Variants in ZNF638 observed in about 807,000 individuals in gnomAD.
The protein encoded by ZNF638 is CTCL tumor antigen se33-1.
ZNF638 carries 46 observed loss-of-function variants against 195.6 expected under a neutral mutation model. The ratio of observed to expected loss-of-function variants is 0.24; its 90% CI spans 0.19 to 0.30. The LOEUF (loss-of-function observed/expected upper bound fraction) is 0.30, where lower values mean the gene tolerates loss of function less well. ZNF638 is among the 10% of genes least tolerant of loss of function. ZNF638 has a pLI of 1.00. For missense variants in ZNF638, 2,440 were observed against 2,325.3 expected, an observed-to-expected ratio of 1.05 and a Z score of -1.01; for synonymous variants, 845 against 772.0, an observed-to-expected ratio of 1.09 and a Z score of -1.57.
At chr2:71,343,142 G>T (rs2078790556) in intron 1 of ZNF638, among the ~76,000 whole-genome samples, 1 of 152,120 alleles carries the variant, frequency 6.6e-6, no homozygotes, top group South Asian at 2.1e-4. Context: ...ATCCTTTTCT[G>T]ATACCTCAGC....
Position 71,380,557 on chromosome 2 carries a change from C to T in ZNF638, c.2369C>T (p.Thr790Ile). ...ASKAVEIVTS[T>I]SAAKTGQAKA... ...AAAGCTGTTGAAATTGTTACTTCAA[C>T]TTCTGCTGGTAAGTTGTTACTTTTA... The change falls in exon 10 of 28, where the codon ACT becomes ATT. Residue 790 changes from threonine (T) to isoleucine (I), a missense_variant. Thr to Ile is a moderately conservative substitution (Grantham distance 89). This residue lies in a region of ZNF638 where 1,883 missense variants were observed against 1,739.1 expected (regional missense o/e 1.08). Transcript: ENST00000264447. The T allele has an allele frequency of 6.2e-7, 1 of 1,602,884 alleles. No homozygotes were observed. The highest frequency in any genetic ancestry group is 8.5e-7 in the Non-Finnish European group (1 of 1,175,402).
chr2:71,420,027 A>G (rs1363128741), intron 21 of ZNF638, among the ~76,000 whole-genome samples: 2 of 109,798 alleles, frequency 1.8e-5, no homozygotes, highest in Non-Finnish European at 3.3e-5. Flanking sequence ...AAGATGTGGG[A>G]TATGTCCAGA....
chr2:71,414,162 T>C (rs1367009604), intron 20 of ZNF638, among the ~76,000 whole-genome samples: 23 of 128,978 alleles, frequency 1.8e-4, no homozygotes, highest in African/African-American at 6.4e-4. Flanking sequence ...GAGCCTGTTA[T>C]TGGTCTATTC....
chr2:71,384,984 A>G (rs910789337), intron 10 of ZNF638, among the ~76,000 whole-genome samples: 2 of 152,196 alleles, frequency 1.3e-5, no homozygotes, highest in African/African-American at 4.8e-5. Flanking sequence ...AGAAAGCAAT[A>G]TCGATTTCAG....
chr2:71,363,947 C>G lies in ZNF638; in HGVS notation c.1419-7C>G. On this transcript the variant is annotated splice_region_variant and splice_polypyrimidine_tract_variant and intron_variant, in intron 4 of 27. Coordinates refer to ENST00000264447, the MANE Select transcript of ZNF638 (RefSeq NM_014497.5). Reference sequence around the variant, plus strand: ...GATCACTTTCTTTTCCGCCCCCCTGCTTGTAGAAATGAGGGCAATAGAAAA... The same window carrying G: ...GATCACTTTCTTTTCCGCCCCCCTGGTTGTAGAAATGAGGGCAATAGAAAA... 6.2e-7 allele frequency: 1 copy of G among 1,601,146 alleles called. No individual in the cohort carries two copies. The highest frequency in any genetic ancestry group is 8.5e-7 in the Non-Finnish European group (1 of 1,173,176).
chr2:71,431,679 G>A (rs2080665832), intron 26 of ZNF638, among the ~76,000 whole-genome samples: 1 of 151,288 alleles, frequency 6.6e-6, no homozygotes, highest in South Asian at 2.1e-4. Context: ...AGAATGGCGT[G>A]AACCCGGGAG....
At position 71,406,183 on chromosome 2, in the gene ZNF638, A is replaced by T. The variant is rs1439028058; in HGVS notation, c.3056A>T (p.Asp1019Val). The change falls in exon 19 of 28, where the codon GAT (aspartate) becomes GTT (valine). Residue 1019 changes from aspartate (D) to valine (V), a missense_variant. By Grantham distance (152) the Asp-to-Val change is radical. Transcript: ENST00000264447. ...GTACATCTTGATAATTTACCGGAAG[A>T]TGGACTTCAGTGTGTACTTTGTGTT... ...RFVHLDNLPEDGLQCVLCVGL... is the reference protein window; with the variant it reads ...RFVHLDNLPEVGLQCVLCVGL... 6.2e-7 allele frequency: 1 copy of T among 1,613,828 alleles called. No homozygotes were observed. Among genetic ancestry groups the T allele is most frequent in the Non-Finnish European group, 8.5e-7 (1 of 1,179,774 alleles).
chr2:71,334,119 C>G (rs925577037), intron 1 of ZNF638, among the ~76,000 whole-genome samples: 31 of 152,138 alleles, frequency 2.0e-4, no homozygotes, highest in African/African-American at 5.8e-4. Flanking sequence ...ATGATTGTTA[C>G]GTTAGTCTTT....
At chr2:71,429,186 A>C (rs1028325236) in intron 25 of ZNF638, among the ~76,000 whole-genome samples, 11 of 152,294 alleles carry the variant, frequency 7.2e-5, no homozygotes, top group Admixed American at 7.2e-4. Context: ...GTTAAGCAAA[A>C]AATCACCTTG....
At chr2:71,357,375 G>A (rs2079040839) in intron 3 of ZNF638, among the ~76,000 whole-genome samples, 1 of 152,134 alleles carries the variant, frequency 6.6e-6, no homozygotes, top group Admixed American at 6.6e-5. Flanking sequence ...CTATATAGAT[G>A]CTGTAAAGAC....
Position 71,379,995 on chromosome 2 carries a change from G to T in ZNF638, c.2266-227G>T, listed in dbSNP as rs1573082399. 2.7e-5 allele frequency: 9 copies of T among 330,638 alleles called. No individual in the cohort carries two copies. In the East Asian group the frequency reaches 4.9e-4, roughly 18 times the overall value. 20.5% of individuals were successfully genotyped at this position (330,638 alleles called of 1,614,324 possible). ...TTCAAGGCATCCACCAGGGGTCTTG[G>T]ATAAGGAGAAACTGCTGTAGTTAAT... On this transcript the variant is annotated intron_variant, in intron 8 of 27. Coordinates refer to ENST00000264447, the MANE Select transcript of ZNF638 (RefSeq NM_014497.5).
chr2:71,427,201 GATGA>G lies in ZNF638; in HGVS notation c.5334_5337del (p.Asp1778GlufsTer12). 1 of 1,612,024 alleles carries G rather than the reference GATGA, an allele frequency of 6.2e-7. No individual in the cohort carries two copies. Among genetic ancestry groups the G allele is most frequent in the Non-Finnish European group, 8.5e-7 (1 of 1,179,442 alleles). ...AGAAGAGCTTAATTTTGTTACTGTT[GATGA>G]AGTTGGAGAGGAGGAAGATGGAGAT... On this transcript the variant is annotated frameshift_variant, in exon 24 of 28. Coordinates refer to ENST00000264447, the MANE Select transcript of ZNF638 (RefSeq NM_014497.5). LOFTEE classifies it high-confidence loss of function.
intron 10 of ZNF638, among the ~76,000 whole-genome samples, chr2:71,394,862 T>A (rs2079860735): frequency 6.6e-6 from 1 of 152,196 alleles, no homozygotes; most frequent in Non-Finnish European, 1.5e-5. Context: ...ATCAAAAGGT[T>A]CTTGCACATC....
rs145015706 is a variant in ZNF638, at chr2:71,377,904, T to G, written c.2266-2318T>G. 5.6e-3 allele frequency among the ~76,000 whole-genome samples: 856 copies of G among 152,326 alleles called. 9 individuals are homozygous for G. Among genetic ancestry groups the G allele is most frequent in the South Asian group, 0.025 (121 of 4,822 alleles). On this transcript the variant is annotated intron_variant, in intron 8 of 27. Coordinates refer to ENST00000264447, the MANE Select transcript of ZNF638 (RefSeq NM_014497.5). ...CTTAGATTGCAAAGCAACACATTCTTAAGAGTTGGGTGGGAAAAAGATTAT... is the reference window on the plus strand; with the variant it reads ...CTTAGATTGCAAAGCAACACATTCTGAAGAGTTGGGTGGGAAAAAGATTAT...
At chr2:71,398,603 C>A in intron 11 of ZNF638, 98 bp from the exon 12 acceptor site, 2 of 935,722 alleles carry the variant, frequency 2.1e-6, no homozygotes, top group Non-Finnish European at 3.5e-6. Context: ...GAATAAAACA[C>A]AGCCTATTAT....
rs375885542 is a variant in ZNF638, at chr2:71,378,336, A to G, written c.2266-1886A>G. On this transcript the variant is annotated intron_variant, in intron 8 of 27. Transcript: ENST00000264447. ...TGAAAATTACCATTAGTAGAATAGC[A>G]CTAGAACTAATTTCTTCTAAATAAT... is the stretch of plus-strand genomic sequence containing the variant. Among the ~76,000 whole-genome samples, 19 of 152,358 alleles carry G rather than the reference A, an allele frequency of 1.2e-4. No homozygotes were observed. The East Asian group carries it at 2.9e-3, about 23-fold the overall frequency.
intron 1 of ZNF638, among the ~76,000 whole-genome samples, chr2:71,346,980 C>T (rs138462367): frequency 6.3e-4 from 95 of 151,716 alleles, no homozygotes; most frequent in African/African-American, 2.0e-3. Flanking sequence ...GCCGAGATTG[C>T]GCCATTGGAC....
intron 13 of ZNF638, 36 bp downstream of exon 13, chr2:71,399,681 T>G (rs1340608582): frequency 9.7e-6 from 15 of 1,547,150 alleles, no homozygotes; most frequent in African/African-American, 1.4e-5. Flanking sequence ...TGCTTTGTTT[T>G]CTTTTCTTTT....
At chr2:71,421,402 C>T (rs1334942644) in intron 21 of ZNF638, among the ~76,000 whole-genome samples, 1 of 151,916 alleles carries the variant, frequency 6.6e-6, no homozygotes, top group Non-Finnish European at 1.5e-5. Context: ...GAATAACTTG[C>T]ACAATGGATA....
Sources: allele counts gnomAD v4.1 joint callset (sites outside exome capture counted in the v4.1 genomes callset), GRCh38; gene constraint gnomAD v4.1.1; regional missense constraint gnomAD v4.1.1; transcripts MANE v1.5; gene names NCBI Gene and HGNC (gene_info 2026-07-23, HGNC 2026-07-21).